Variants in PAPPA observed in about 807,000 individuals in gnomAD.
PAPPA encodes pappalysin-1.
In PAPPA, 60 loss-of-function variants were observed where a neutral mutation model predicts 164.0. That is an observed-to-expected ratio of 0.37 (90% CI 0.30 to 0.45). PAPPA has a LOEUF of 0.45. PAPPA is among the 20% of genes least tolerant of loss of function. The probability of loss-of-function intolerance (pLI) is 1.00; values close to 1 mark genes in which losing one functional copy is unlikely to be tolerated. For synonymous variants in PAPPA, 875 were observed against 814.1 expected (o/e 1.07, Z -1.27); for missense variants, 1,782 against 2,087.3 (o/e 0.85, Z 2.85).
chr9:116,205,661 T>C (rs565311642), intron 2 of PAPPA, among the ~76,000 whole-genome samples: 138 of 152,266 alleles, frequency 9.1e-4, no homozygotes, highest in Non-Finnish European at 1.4e-3. Flanking sequence ...CCCTCTTCCT[T>C]CATCTGTATG....
intron 20 of PAPPA, among the ~76,000 whole-genome samples, chr9:116,379,539 T>TCATC (rs60827972): frequency 0.27 from 40,032 of 149,802 alleles, 5,513 homozygotes; most frequent in African/African-American, 0.31. Flanking sequence ...TTCTTGCCTG[T>TCATC]CATCCATCCA....
intron 7 of PAPPA, among the ~76,000 whole-genome samples, chr9:116,257,857 A>G (rs577986411): frequency 1.3e-5 from 2 of 152,092 alleles, no homozygotes; most frequent in South Asian, 2.1e-4. Context: ...ATAAATTTAT[A>G]TAAAACTCAA....
intron 1 of PAPPA, among the ~76,000 whole-genome samples, chr9:116,169,685 T>C (rs1843755133): frequency 6.6e-6 from 1 of 151,140 alleles, no homozygotes; most frequent in Non-Finnish European, 1.5e-5. Flanking sequence ...GTGTCCATGC[T>C]CCTCCTGCAA....
At chr9:116,249,303 T>C (rs1043864414) in intron 7 of PAPPA, among the ~76,000 whole-genome samples, 2 of 152,194 alleles carry the variant, frequency 1.3e-5, no homozygotes, top group Non-Finnish European at 2.9e-5. Context: ...CAAGAAAATT[T>C]AGCCAGGGAA....
rs868095066 is a variant in PAPPA at position 116,220,100 on chromosome 9, C to T, written c.2082C>T (p.Phe694=). ...CGGACTCTGTGACACTGGAGTGGTT[C>T]CCACCTATAGATGGCCATTTCTTTG... The part of the protein sequence containing the change: ...HTTDSVTLEW[F]PPIDGHFFER... The change falls in exon 5 of 22, where the codon TTC becomes TTT. Residue 694 remains phenylalanine, a synonymous_variant. Transcript: ENST00000328252. 1 of 1,613,780 alleles carries T rather than the reference C, an allele frequency of 6.2e-7. No homozygotes were observed. Among genetic ancestry groups the T allele is most frequent in the South Asian group, 1.1e-5 (1 of 91,064 alleles).
At chr9:116,183,728 T>C (rs1200437367) in intron 1 of PAPPA, among the ~76,000 whole-genome samples, 1 of 152,188 alleles carries the variant, frequency 6.6e-6, no homozygotes, top group African/African-American at 2.4e-5. Flanking sequence ...ATGTGTTTCT[T>C]TTTGGTTCCA....
chr9:116,193,786 A>G (rs1445478808), intron 2 of PAPPA, among the ~76,000 whole-genome samples: 2 of 152,182 alleles, frequency 1.3e-5, no homozygotes, highest in Non-Finnish European at 2.9e-5. Context: ...TGATTCAATG[A>G]CATTTTGTTA....
At chr9:116,157,153 A>G (rs1183937319) in intron 1 of PAPPA, among the ~76,000 whole-genome samples, 1 of 152,148 alleles carries the variant, frequency 6.6e-6, no homozygotes, top group Non-Finnish European at 1.5e-5. Flanking sequence ...GTAAAGGTCT[A>G]ATTTTACGGT....
In PAPPA at chr9:116,332,329, T is replaced by C; in HGVS notation, c.3262-4T>C. 1 of 1,611,760 alleles carries C rather than the reference T, an allele frequency of 6.2e-7. No homozygotes were observed. The highest frequency in any genetic ancestry group is 8.5e-7 in the Non-Finnish European group (1 of 1,178,306). On this transcript the variant is annotated splice_region_variant and splice_polypyrimidine_tract_variant and intron_variant, in intron 11 of 21. Transcript: ENST00000328252. ...GTGACCCTCCTACGTCTTCACAATT[T>C]CAGGCGTATTTTTCTCAACCAATGG...
At chr9:116,205,047 C>A (rs947661466) in intron 2 of PAPPA, among the ~76,000 whole-genome samples, 3 of 151,470 alleles carry the variant, frequency 2.0e-5, no homozygotes, top group Non-Finnish European at 4.4e-5. Context: ...GGAAAACTTT[C>A]ATCCACAGAG....
intron 19 of PAPPA, among the ~76,000 whole-genome samples, chr9:116,368,700 G>A (rs1297653785): frequency 6.6e-6 from 1 of 152,216 alleles, no homozygotes; most frequent in Non-Finnish European, 1.5e-5. Context: ...GAAAGAAGGA[G>A]GCCGGGGTTG....
chr9:116,156,273 T>A (rs1176850363), intron 1 of PAPPA, among the ~76,000 whole-genome samples: 1 of 109,160 alleles, frequency 9.2e-6, no homozygotes, highest in Non-Finnish European at 2.1e-5. Flanking sequence ...TCTACATAAA[T>A]ACGTGTGTGT....
chr9:116,344,556 G>A lies in PAPPA; in HGVS notation c.3625G>A (p.Ala1209Thr), dbSNP rs748591969. The change falls in exon 14 of 22, where the codon GCA becomes ACA. Residue 1209 changes from alanine to threonine, a missense_variant. Around this residue, in one of 2 missense-constraint regions of PAPPA, gnomAD observed 1,324 missense variants for 1,656.9 expected, o/e 0.80. Transcript: ENST00000328252. ...TTTCCTCCCCAGCTGCGTGCACTTC[G>A]CATGTGAGAAAACTGACTGTCCAGA... Reference protein sequence around the residue: ...SPAEQSCVHFACEKTDCPELA... With the variant: ...SPAEQSCVHFTCEKTDCPELA... The A allele has an allele frequency of 1.4e-5, 22 of 1,613,108 alleles. No homozygotes were observed. The highest frequency in any genetic ancestry group is 4.0e-5 in the African/African-American group (3 of 74,862).
chr9:116,324,688 T>TA (rs1335689541), intron 10 of PAPPA, among the ~76,000 whole-genome samples: 2 of 152,154 alleles, frequency 1.3e-5, no homozygotes, highest in African/African-American at 4.8e-5. Flanking sequence ...GGAGGGATGA[T>TA]ATTTGAGAGT....
At chr9:116,200,760 T>A (rs1288461194) in intron 2 of PAPPA, among the ~76,000 whole-genome samples, 1 of 152,012 alleles carries the variant, frequency 6.6e-6, no homozygotes, top group Admixed American at 6.6e-5. Context: ...AGAATCTCAG[T>A]AAGTGTTGTT....
At chr9:116,176,943 C>T (rs916297380) in intron 1 of PAPPA, among the ~76,000 whole-genome samples, 1 of 145,004 alleles carries the variant, frequency 6.9e-6, no homozygotes, top group Non-Finnish European at 1.5e-5. Flanking sequence ...ATGTCTTGAT[C>T]TCTGGAGTAC....
chr9:116,365,828 C>T (rs934747960), intron 18 of PAPPA, among the ~76,000 whole-genome samples: 4 of 152,074 alleles, frequency 2.6e-5, no homozygotes, highest in East Asian at 1.9e-4. Context: ...TCTCCTGTTT[C>T]GATGGCTGCC....
At chr9:116,161,117 G>A (rs1051161664) in intron 1 of PAPPA, among the ~76,000 whole-genome samples, 1 of 152,160 alleles carries the variant, frequency 6.6e-6, no homozygotes, top group Admixed American at 6.5e-5. Context: ...AGAGATGTGA[G>A]GGATTAGTGC....
intron 15 of PAPPA, among the ~76,000 whole-genome samples, chr9:116,348,605 C>T (rs1846242409): frequency 6.6e-6 from 1 of 152,072 alleles, no homozygotes; most frequent in African/African-American, 2.4e-5. Context: ...AGTTATGAAG[C>T]CTGCCTTAAT....
Sources: allele counts gnomAD v4.1 joint callset (sites outside exome capture counted in the v4.1 genomes callset), GRCh38; gene constraint gnomAD v4.1.1; regional missense constraint gnomAD v4.1.1; transcripts MANE v1.5; gene names NCBI Gene and HGNC (gene_info 2026-07-23, HGNC 2026-07-21).